Variants in DYDC2 observed in about 807,000 individuals in gnomAD.
DYDC2 encodes the protein DPY30 domain containing 2, also known as DPY30 domain-containing protein 2.
DYDC2 carries 19 observed loss-of-function variants against 18.7 expected under a neutral mutation model. That is an observed-to-expected ratio of 1.02 (90% confidence interval 0.71 to 1.49). DYDC2 has a LOEUF of 1.49. Ranked by LOEUF, DYDC2 falls within the 40% of genes most tolerant of loss-of-function variation. The pLI, the probability that DYDC2 is intolerant of heterozygous loss-of-function variation, is 0.00. For synonymous variants in DYDC2, 63 were observed against 67.6 expected, an observed-to-expected ratio of 0.93 and a Z score of 0.34; for missense variants, 179 against 205.1, an observed-to-expected ratio of 0.87 and a Z score of 0.78.
chr10:80,360,790 C>T (rs1305928532), intron 2 of DYDC2, among the ~76,000 whole-genome samples: 2 of 147,386 alleles, frequency 1.4e-5, no homozygotes, highest in African/African-American at 5.0e-5. Context: ...GACAGGGTCT[C>T]GCTCTGTCAC....
intron 1 of DYDC2, among the ~76,000 whole-genome samples, chr10:80,347,276 C>CTTTT (rs556362145): frequency 8.9e-5 from 8 of 90,114 alleles, no homozygotes; most frequent in African/African-American, 1.8e-4. Context: ...AATTGGGATC[C>CTTTT]TTTTTTTTTT....
chr10:80,352,445 T>C (rs745829538), upstream of DYDC2: 2 of 1,576,684 alleles, frequency 1.3e-6, no homozygotes, highest in Non-Finnish European at 1.7e-6. Context: ...AGAAGGAGAT[T>C]CCTACTTACC....
chr10:80,356,797 G>T lies in DYDC2; in HGVS notation c.-191G>T. 1.0e-6 allele frequency: 1 copy of T among 985,710 alleles called. No individual in the cohort carries two copies. 61.1% of individuals were successfully genotyped at this position (985,710 alleles called of 1,614,324 possible). On this transcript the variant is annotated 5_prime_UTR_variant, in exon 1 of 5. Transcript: ENST00000256039. ...TCGCGCCTCAGGAGCCAGTGTAGGC[G>T]CCGCAAAGCGGAAGGGGCGCGCGGA...
At position 80,363,010 on chromosome 10, in the gene DYDC2, A is replaced by G; in HGVS notation, c.207A>G (p.Glu69=). The change falls in exon 4 of 5, where the codon GAA becomes GAG. Residue 69 remains glutamate (E), a synonymous_variant. Transcript: ENST00000256039. ...ATGACAGTAGCCTCAAGGAAATGGA[A>G]ATGACAGAAATGCTGAAACAGGAAG... ...EEYDSSLKEM[E]MTEMLKQEEY... 6.2e-7 allele frequency: 1 copy of G among 1,614,052 alleles called. No individual in the cohort carries two copies. The highest frequency in any genetic ancestry group is 8.5e-7 in the Non-Finnish European group (1 of 1,180,004).
intron 2 of DYDC2, among the ~76,000 whole-genome samples, chr10:80,361,414 A>G (rs1222094906): frequency 1.3e-5 from 2 of 152,104 alleles, no homozygotes; most frequent in African/African-American, 4.8e-5. Flanking sequence ...AAATTTCTGT[A>G]TTTCCTTTGG....
intron 4 of DYDC2, 81 bp downstream of exon 4, chr10:80,363,154 CA>C: frequency 6.9e-7 from 1 of 1,445,758 alleles, no homozygotes; most frequent in Non-Finnish European, 9.2e-7. Flanking sequence ...AGCCCAGTCC[CA>C]ATCCAAGGCA....
rs572802704 is a variant in DYDC2 at position 80,351,643 on chromosome 10, C to T, written c.-309-4654C>T. On this transcript the variant is annotated intron_variant, in intron 1 of 4. Transcript: ENST00000372197. Reference sequence around the variant, plus strand: ...CAGCACACTCTGTATTTTCCTCTTACCTGGAGGTATGGCATCTTTTGTATC... The same window carrying T: ...CAGCACACTCTGTATTTTCCTCTTATCTGGAGGTATGGCATCTTTTGTATC... Among the ~76,000 whole-genome samples, 59 of 152,290 alleles carry T rather than the reference C, an allele frequency of 3.9e-4. No homozygotes were observed. In the South Asian group the frequency reaches 9.9e-3, roughly 26 times the overall value.
intron 1 of DYDC2, 24 bp from the exon 2 acceptor site, chr10:80,357,865 CAATG>C (rs1474736573): frequency 2.0e-5 from 20 of 985,432 alleles, no homozygotes; most frequent in South Asian, 4.7e-5. Flanking sequence ...AGAACTCTCT[CAATG>C]AATAAGTCAA....
chr10:80,362,373 G>C, intron 2 of DYDC2, 62 bp from the exon 3 acceptor site: 1 of 1,557,508 alleles, frequency 6.4e-7, no homozygotes, highest in Admixed American at 1.8e-5. Flanking sequence ...GTTAGAATGT[G>C]TCTATTTTTA....
chr10:80,345,228 T>C (rs1307119491), intron 1 of DYDC2, among the ~76,000 whole-genome samples: 1 of 152,196 alleles, frequency 6.6e-6, no homozygotes, highest in African/African-American at 2.4e-5. Context: ...AAACAGAAGC[T>C]GAATATATCC....
chr10:80,353,452 G>A (rs907119563), upstream of DYDC2, among the ~76,000 whole-genome samples: 2 of 150,106 alleles, frequency 1.3e-5, no homozygotes, highest in African/African-American at 4.9e-5. Flanking sequence ...GTGAGCCACC[G>A]CGCCTGGCCG....
chr10:80,357,883 A>C lies in DYDC2; in HGVS notation c.-162-10A>C. On this transcript the variant is annotated splice_polypyrimidine_tract_variant and intron_variant, in intron 1 of 4. Transcript: ENST00000256039. The stretch of plus-strand genomic sequence containing the variant: ...ACTCTCTCAATGAATAAGTCAAGAA[A>C]TATTTACAGAGCTCCCAGTGTGCCA... 1 of 985,468 alleles carries C rather than the reference A, an allele frequency of 1.0e-6. No individual in the cohort carries two copies. The highest frequency in any genetic ancestry group is 1.2e-6 in the Non-Finnish European group (1 of 829,946). The allele number at this position is 985,468 out of a possible 1,614,324, so 61.0% of individuals were successfully genotyped here.
chr10:80,358,525 T>G (rs1454291714), intron 2 of DYDC2, among the ~76,000 whole-genome samples: 1 of 152,148 alleles, frequency 6.6e-6, no homozygotes, highest in African/African-American at 2.4e-5. Context: ...AAATGGGCAA[T>G]TTAGAGTAGG....
At chr10:80,354,351 T>C (rs1843217390), upstream of DYDC2, 1 of 150,896 alleles carries the variant, frequency 6.6e-6, no homozygotes, top group Non-Finnish European at 1.5e-5. Context: ...CTGGGCGTGG[T>C]GGCACATACC....
At chr10:80,360,547 C>T (rs946864933) in intron 2 of DYDC2, among the ~76,000 whole-genome samples, 2 of 152,272 alleles carry the variant, frequency 1.3e-5, no homozygotes, top group African/African-American at 2.4e-5. Context: ...TTTAAGGTGA[C>T]ATATTCATAG....
chr10:80,357,235 C>T (rs916525065), intron 1 of DYDC2, among the ~76,000 whole-genome samples: 8 of 39,046 alleles, frequency 2.0e-4, no homozygotes, highest in Non-Finnish European at 3.2e-4. Context: ...CTCCAGGGGG[C>T]GGGGTCCAGG....
At chr10:80,355,230 C>CA, upstream of DYDC2, among the ~76,000 whole-genome samples, 1 of 151,864 alleles carries the variant, frequency 6.6e-6, no homozygotes, top group Non-Finnish European at 1.5e-5. Context: ...TGTCCCTGGA[C>CA]AAATGCATCT....
At chr10:80,352,660 A>AC, upstream of DYDC2, 4 of 1,548,842 alleles carry the variant, frequency 2.6e-6, no homozygotes, top group Non-Finnish European at 3.5e-6. Context: ...CAATAAAGTC[A>AC]CTATAAAACT....
chr10:80,352,343 T>A (rs1286690361), upstream of DYDC2: 5 of 1,334,196 alleles, frequency 3.7e-6, no homozygotes, highest in Non-Finnish European at 4.9e-6. Flanking sequence ...AGTTTTTGTA[T>A]AATAAACATT....
Sources: allele counts gnomAD v4.1 joint callset (sites outside exome capture counted in the v4.1 genomes callset), GRCh38; gene constraint gnomAD v4.1.1; transcripts MANE v1.5; gene names NCBI Gene and HGNC (gene_info 2026-07-23, HGNC 2026-07-21).